The following AQR variants were observed in gnomAD, a reference collection of about 807,000 sequenced individuals.
The protein encoded by AQR is aquarius intron-binding spliceosomal factor.
AQR carries 61 observed loss-of-function variants against 180.5 expected under a neutral mutation model. The observed-to-expected ratio is 0.34, with a 90% CI of 0.28 to 0.42. AQR has a LOEUF of 0.42. AQR is among the 10% of genes least tolerant of loss of function. The pLI, the probability that AQR is intolerant of heterozygous loss-of-function variation, is 1.00. For missense variants in AQR, 1,281 were observed against 1,798.3 expected, an observed-to-expected ratio of 0.71 and a Z score of 5.20; for synonymous variants, 551 against 588.8, an observed-to-expected ratio of 0.94 and a Z score of 0.93.
At chr15:34,961,900 T>C (rs1252491922) in intron 2 of AQR, among the ~76,000 whole-genome samples, 4 of 152,038 alleles carry the variant, frequency 2.6e-5, no homozygotes, top group Admixed American at 2.6e-4. Flanking sequence ...CAGTGAGCCT[T>C]CACTAACAGT....
rs763678709 is a variant in AQR, at chr15:34,906,730, C to A, written c.1664-18G>T. The A allele has an allele frequency of 2.1e-5, 33 of 1,594,012 alleles. No individual in the cohort carries two copies. The highest frequency in any genetic ancestry group is 2.7e-5 in the Non-Finnish European group (32 of 1,170,204). On this transcript the variant is annotated intron_variant, in intron 17 of 34. Coordinates refer to ENST00000156471, the MANE Select transcript of AQR (RefSeq NM_014691.3). ...ACGAAGACCTGGTAAGATATAAAGA[C>A]ATTTTCATTTATTAGAATTTCATTG...
chr15:34,940,903 C>T lies in AQR; in HGVS notation c.637G>A (p.Glu213Lys). 3 of 1,601,180 alleles carry T rather than the reference C, an allele frequency of 1.9e-6. No homozygotes were observed. The highest frequency in any genetic ancestry group is 2.6e-6 in the Non-Finnish European group (3 of 1,170,606). Reference sequence around the variant, plus strand: ...AATGAAGCTCTGCCAACATACTGTTCTCTTGCTTCTGGATCCATCTTTTCA... The same window carrying T: ...AATGAAGCTCTGCCAACATACTGTTTTCTTGCTTCTGGATCCATCTTTTCA... ...NDEKMDPEAR[E>K]QAYQERRFLS... The change falls in exon 8 of 35, where the codon GAA (glutamate) becomes AAA (lysine). Residue 213 changes from glutamate (E) to lysine (K), a missense_variant. This residue lies in a region of AQR where 404 missense variants were observed against 490.9 expected (regional missense o/e 0.82). Transcript: ENST00000156471.
At chr15:34,882,098 A>C (rs1196507399) in intron 27 of AQR, among the ~76,000 whole-genome samples, 2 of 152,082 alleles carry the variant, frequency 1.3e-5, no homozygotes, top group Non-Finnish European at 2.9e-5. Context: ...GAGCCACCAC[A>C]CCTGGCTGAA....
At chr15:34,894,241 G>C (rs927333204) in intron 22 of AQR, among the ~76,000 whole-genome samples, 3 of 151,446 alleles carry the variant, frequency 2.0e-5, no homozygotes, top group African/African-American at 7.3e-5. Flanking sequence ...AAAAAAAAAA[G>C]TCCTGATAGC....
chr15:34,950,692 A>AG (rs544332205), intron 4 of AQR, among the ~76,000 whole-genome samples: 93 of 152,148 alleles, frequency 6.1e-4, no homozygotes, highest in African/African-American at 2.1e-3. Flanking sequence ...TGGTGGGGGC[A>AG]GGGGGGAAAT....
intron 27 of AQR, among the ~76,000 whole-genome samples, chr15:34,878,491 C>T (rs1169690961): frequency 6.7e-6 from 1 of 149,680 alleles, no homozygotes; most frequent in Admixed American, 6.6e-5. Context: ...ATTGTAAACA[C>T]AGAACTTGGT....
chr15:34,869,439 G>A (rs1892783743), intron 31 of AQR: 1 of 151,986 alleles, frequency 6.6e-6, no homozygotes, highest in South Asian at 2.1e-4. Flanking sequence ...ATTATACCTG[G>A]GAATTCTGTT....
chr15:34,864,363 G>A (rs995898512), intron 32 of AQR, among the ~76,000 whole-genome samples: 1 of 152,038 alleles, frequency 6.6e-6, no homozygotes, highest in African/African-American at 2.4e-5. Flanking sequence ...AGAAGGAAAG[G>A]ACATACTCCT....
At position 34,916,621 on chromosome 15, in the gene AQR, G is replaced by T. The variant is rs562120087; in HGVS notation, c.1343-1442C>A. On this transcript the variant is annotated intron_variant, in intron 15 of 34. Coordinates refer to ENST00000156471, the MANE Select transcript of AQR (RefSeq NM_014691.3). The stretch of plus-strand genomic sequence containing the variant: ...ACACTCACTGAATTAACAAATCTAG[G>T]TGTTAAATATCTATAGCTACTAATA... Among the ~76,000 whole-genome samples, 28 of 151,588 alleles carry T rather than the reference G, an allele frequency of 1.8e-4. No individual in the cohort carries two copies. In the East Asian group the frequency reaches 5.3e-3, roughly 28 times the overall value.
intron 23 of AQR, among the ~76,000 whole-genome samples, chr15:34,890,691 T>C (rs1198961318): frequency 1.3e-5 from 2 of 152,144 alleles, no homozygotes; most frequent in Admixed American, 6.6e-5. Flanking sequence ...GTTTTTGCAG[T>C]TGGAGAAAGA....
intron 4 of AQR, among the ~76,000 whole-genome samples, chr15:34,952,138 T>C (rs1894243945): frequency 6.6e-6 from 1 of 152,212 alleles, no homozygotes; most frequent in Admixed American, 6.5e-5. Flanking sequence ...CCCTGACCTC[T>C]GATGTAAACC....
intron 30 of AQR, among the ~76,000 whole-genome samples, 196 bp from the exon 31 acceptor site, chr15:34,871,118 A>G (rs760647656): frequency 1.3e-5 from 2 of 152,242 alleles, no homozygotes; most frequent in African/African-American, 2.4e-5. Context: ...GATAAATACA[A>G]ACTTTTAATT....
intron 12 of AQR, among the ~76,000 whole-genome samples, chr15:34,927,372 T>C (rs1893780689): frequency 6.6e-6 from 1 of 152,144 alleles, no homozygotes; most frequent in East Asian, 1.9e-4. Flanking sequence ...GCTTTTGACA[T>C]CTAAAAGGAT....
chr15:34,954,434 T>G (rs1177664588), intron 3 of AQR, among the ~76,000 whole-genome samples: 1 of 152,072 alleles, frequency 6.6e-6, no homozygotes, highest in African/African-American at 2.4e-5. Flanking sequence ...GCCTCTCAAG[T>G]AGCTGAGACT....
intron 3 of AQR, among the ~76,000 whole-genome samples, chr15:34,957,120 T>C (rs1421011838): frequency 6.6e-6 from 1 of 151,684 alleles, no homozygotes; most frequent in African/African-American, 2.4e-5. Flanking sequence ...AGCAAAATAA[T>C]TTCCTCAGGA....
chr15:34,909,354 G>GTCT (rs1036671908), intron 17 of AQR, among the ~76,000 whole-genome samples: 4 of 152,146 alleles, frequency 2.6e-5, no homozygotes, highest in African/African-American at 9.7e-5. Flanking sequence ...TCTGGCAGAG[G>GTCT]TCTTATTGAT....
intron 28 of AQR, 39 bp from the exon 29 acceptor site, chr15:34,874,903 T>C: frequency 6.4e-7 from 1 of 1,563,096 alleles, no homozygotes; most frequent in Non-Finnish European, 8.7e-7. Context: ...AATACTCTAT[T>C]ATCCTCTTGT....
intron 24 of AQR, 31 bp from the exon 25 acceptor site, chr15:34,886,692 A>C: frequency 6.3e-7 from 1 of 1,586,278 alleles, no homozygotes; most frequent in Non-Finnish European, 8.5e-7. Flanking sequence ...AAATGACAAA[A>C]CTGTAATAAA....
At chr15:34,871,016 C>T (rs986439086) in intron 30 of AQR, 94 bp from the exon 31 acceptor site, 5 of 1,212,136 alleles carry the variant, frequency 4.1e-6, no homozygotes, top group Non-Finnish European at 5.8e-6. Context: ...AACTTGTTCA[C>T]TTTGCACACT....
Sources: gnomAD v4.1 joint callset for allele counts (sites outside exome capture counted in the v4.1 genomes callset) on GRCh38, gnomAD v4.1.1 for gene constraint, gnomAD v4.1.1 regional missense constraint, MANE v1.5 for transcripts, NCBI Gene and HGNC (gene_info 2026-07-23, HGNC 2026-07-21) for gene names.